Variants in PLCG2 observed in about 807,000 individuals in gnomAD.
The protein encoded by PLCG2 is 1-phosphatidylinositol 4,5-bisphosphate phosphodiesterase gamma-2.
In PLCG2, 69 loss-of-function variants were observed where a neutral mutation model predicts 175.6. The observed-to-expected ratio is 0.39, with a 90% CI of 0.32 to 0.48. The LOEUF is 0.48. Ranked by LOEUF, PLCG2 falls within the 20% of genes least tolerant of loss-of-function variation. The pLI, the probability that PLCG2 is intolerant of heterozygous loss-of-function variation, is 0.91. For missense variants in PLCG2, 1,798 were observed against 1,650.9 expected, an observed-to-expected ratio of 1.09 and a Z score of -1.54; for synonymous variants, 827 against 624.0, an observed-to-expected ratio of 1.33 and a Z score of -4.85.
intron 1 of PLCG2, among the ~76,000 whole-genome samples, chr16:81,752,034 T>TA (rs142921258): frequency 6.6e-6 from 1 of 150,600 alleles, no homozygotes; most frequent in African/African-American, 2.4e-5. Context: ...AAAATAAATA[T>TA]AAAAAAAATA....
chr16:81,929,771 T>A (rs1337161471), intron 24 of PLCG2, among the ~76,000 whole-genome samples: 2 of 152,228 alleles, frequency 1.3e-5, no homozygotes, highest in Non-Finnish European at 2.9e-5. Flanking sequence ...GATTCTTTGC[T>A]CCGATTACCA....
intron 2 of PLCG2, chr16:81,767,861 A>T (rs1200857313): frequency 6.6e-6 from 1 of 152,248 alleles, no homozygotes; most frequent in East Asian, 1.9e-4. Context: ...CGCTGTTTAT[A>T]ACCTTTAATG....
At chr16:81,745,429 T>G (rs913831865) in intron 1 of PLCG2, among the ~76,000 whole-genome samples, 1 of 152,218 alleles carries the variant, frequency 6.6e-6, no homozygotes, top group Non-Finnish European at 1.5e-5. Flanking sequence ...TTGCTCAGTT[T>G]CATCCAAACA....
intron 10 of PLCG2, 58 bp from the exon 11 acceptor site, chr16:81,891,414 G>A (rs1400167405): frequency 1.0e-6 from 1 of 985,466 alleles, no homozygotes; most frequent in African/African-American, 1.6e-5. Flanking sequence ...CCAGAAACAA[G>A]CAGACACCAT....
In PLCG2 at chr16:81,937,623, G is replaced by T. The variant is rs559216947; in HGVS notation, c.3053-135G>T. On this transcript the variant is annotated intron_variant, in intron 27 of 32. Coordinates refer to ENST00000564138, the MANE Select transcript of PLCG2 (RefSeq NM_002661.5). ...TAGAAACCCTATATTTTCTTTGAGT[G>T]AGATACCTATTTGAACAGCTGCCTC... 3 of 662,234 alleles carry T rather than the reference G, an allele frequency of 4.5e-6. No individual in the cohort carries two copies. In the South Asian group the frequency reaches 6.7e-5, roughly 15 times the overall value. 41.0% of individuals were successfully genotyped at this position (662,234 alleles called of 1,614,324 possible). A position where few individuals can be genotyped will look rare whatever the true frequency, so the allele number is the denominator to read the frequency against.
chr16:81,858,292 C>T lies in PLCG2; in HGVS notation c.367C>T (p.Leu123Phe), dbSNP rs1362812278. 5 of 1,613,580 alleles carry T rather than the reference C, an allele frequency of 3.1e-6. No homozygotes were observed. The South Asian group carries it at 5.5e-5, about 18-fold the overall frequency. ...ADSKEDAVNW[L>F]SGLKILHQEA... ...CTCTAAAGAGGATGCAGTTAACTGG[C>T]TCTCTGGCTTGAAAATCTTACACCA... Residue 123 changes from leucine (L) to phenylalanine (F), a missense_variant, in exon 4 of 33, where the codon CTC becomes TTC. By Grantham distance (22) the Leu-to-Phe change is conservative. Coordinates refer to ENST00000564138, the MANE Select transcript of PLCG2 (RefSeq NM_002661.5).
intron 1 of PLCG2, among the ~76,000 whole-genome samples, chr16:81,745,773 G>A (rs1292120045): frequency 6.6e-6 from 1 of 152,206 alleles, no homozygotes; most frequent in African/African-American, 2.4e-5. Context: ...GCTTGGCCCA[G>A]GCTGATTCAG....
At chr16:81,921,350 T>A (rs749455850) in intron 21 of PLCG2, 81 bp downstream of exon 21, 1 of 951,812 alleles carries the variant, frequency 1.1e-6, no homozygotes, top group Admixed American at 1.7e-5. Flanking sequence ...ATGGCAGTTA[T>A]AACAGGGCAA....
intron 14 of PLCG2, among the ~76,000 whole-genome samples, chr16:81,903,327 G>A (rs982903338): frequency 3.3e-5 from 5 of 152,154 alleles, no homozygotes; most frequent in East Asian, 1.9e-4. Context: ...AGACAAACCC[G>A]TCAACAGAGA....
At chr16:81,793,104 T>A (rs1011576665) in intron 2 of PLCG2, among the ~76,000 whole-genome samples, 1 of 152,240 alleles carries the variant, frequency 6.6e-6, no homozygotes, top group Non-Finnish European at 1.5e-5. Context: ...GCCTGGCCTC[T>A]GGCAGAGAAG....
At chr16:81,851,258 G>T (rs960397691) in intron 2 of PLCG2, among the ~76,000 whole-genome samples, 5 of 152,238 alleles carry the variant, frequency 3.3e-5, no homozygotes, top group African/African-American at 1.2e-4. Context: ...AGCTGCTCCA[G>T]TGATAACATC....
intron 2 of PLCG2, among the ~76,000 whole-genome samples, chr16:81,828,385 C>G (rs535680473): frequency 2.6e-5 from 4 of 151,664 alleles, no homozygotes; most frequent in Admixed American, 2.6e-4. Flanking sequence ...CTACAGGTGC[C>G]TGCCACCACG....
At chr16:81,899,247 C>T (rs1418747475) in intron 13 of PLCG2, among the ~76,000 whole-genome samples, 1 of 150,252 alleles carries the variant, frequency 6.7e-6, no homozygotes, top group Non-Finnish European at 1.5e-5. Flanking sequence ...TGACTTTTCT[C>T]CTGCCTCAGG....
chr16:81,936,419 C>T (rs373713852), intron 27 of PLCG2, 41 bp downstream of exon 27: 144 of 1,534,250 alleles, frequency 9.4e-5, no homozygotes, highest in Middle Eastern at 2.3e-4. Flanking sequence ...TGCAAGGTGG[C>T]GGTTGCAGTC....
At chr16:81,772,187 G>A (rs1489255767) in intron 2 of PLCG2, among the ~76,000 whole-genome samples, 1 of 152,148 alleles carries the variant, frequency 6.6e-6, no homozygotes, top group African/African-American at 2.4e-5. Flanking sequence ...TCTTACCAGA[G>A]AAAGGAGAGG....
chr16:81,807,882 G>C (rs543037046), intron 2 of PLCG2, among the ~76,000 whole-genome samples: 1 of 152,108 alleles, frequency 6.6e-6, no homozygotes, highest in Non-Finnish European at 1.5e-5. Flanking sequence ...TCAACAGCCA[G>C]ATCTCTCAAG....
At chr16:81,938,429 A>T (rs1424269252) in intron 28 of PLCG2, 1 of 250,884 alleles carries the variant, frequency 4.0e-6, no homozygotes, top group Non-Finnish European at 7.7e-6. Context: ...AATAAACAGC[A>T]GTTATAAAAA....
At chr16:81,939,083 C>T (rs764063206) in intron 29 of PLCG2, among the ~76,000 whole-genome samples, 168 bp downstream of exon 29, 2 of 152,058 alleles carry the variant, frequency 1.3e-5, no homozygotes, top group East Asian at 1.9e-4. Context: ...TACAAAGGGC[C>T]ACTTTCTGAA....
chr16:81,949,812 C>T (rs985464014), intron 31 of PLCG2, among the ~76,000 whole-genome samples: 2 of 151,982 alleles, frequency 1.3e-5, no homozygotes, highest in African/African-American at 4.8e-5. Flanking sequence ...AAAAAATAAT[C>T]AAGTATCAAC....
Sources: allele counts gnomAD v4.1 joint callset (sites outside exome capture counted in the v4.1 genomes callset), GRCh38; gene constraint gnomAD v4.1.1; transcripts MANE v1.5; gene names NCBI Gene and HGNC (gene_info 2026-07-23, HGNC 2026-07-21).